DNM3: variants seen among roughly 807,000 people sequenced by gnomAD.
The protein encoded by DNM3 is dynamin 3, also known as dynamin-3.
Under a neutral mutation model 101.6 loss-of-function variants are expected in DNM3, and 47 were observed. The observed-to-expected ratio is 0.46, with a 90% CI of 0.37 to 0.59. The LOEUF is 0.59. DNM3 is among the 20% of genes least tolerant of loss of function. The pLI is 0.00. For synonymous variants in DNM3, 385 were observed against 387.9 expected (o/e 0.99, Z 0.09); for missense variants, 849 against 1,085.7 (o/e 0.78, Z 3.06).
In DNM3 at chr1:172,388,643, G is replaced by A. The variant is rs745910684; in HGVS notation, c.2356G>A (p.Gly786Ser). ...LSAPLARPTS[G>S]RGPAPAIPSP... ...TGCTCCCCTCGCAAGGCCCACATCC[G>A]GCCGAGGACCAGCTCCTGCCATTCC... The change falls in exon 20 of 21, where the codon GGC (glycine) becomes AGC (serine). Residue 786 changes from glycine (G) to serine (S), a missense_variant. Around this residue, in one of 5 missense-constraint regions of DNM3, gnomAD observed 256 missense variants for 311.7 expected, o/e 0.82. Coordinates refer to ENST00000627582, the MANE Select transcript of DNM3 (RefSeq NM_015569.5). 91 of 1,613,818 alleles carry A rather than the reference G, an allele frequency of 5.6e-5. 1 individual carries two copies. The highest frequency in any genetic ancestry group is 7.2e-5 in the Non-Finnish European group (85 of 1,179,890).
At chr1:171,871,614 C>G (rs1335623252) in intron 1 of DNM3, among the ~76,000 whole-genome samples, 5 of 152,126 alleles carry the variant, frequency 3.3e-5, no homozygotes, top group South Asian at 2.1e-4. Flanking sequence ...TCACCTTCCC[C>G]CTAGTAACTA....
chr1:172,108,727 C>A (rs913780845), intron 13 of DNM3, among the ~76,000 whole-genome samples: 1 of 152,182 alleles, frequency 6.6e-6, no homozygotes, highest in African/African-American at 2.4e-5. Flanking sequence ...GAAATGAGTG[C>A]CCTGGTTTTA....
At chr1:172,369,410 T>C (rs1403050906) in intron 17 of DNM3, among the ~76,000 whole-genome samples, 5 of 151,904 alleles carry the variant, frequency 3.3e-5, no homozygotes, top group Admixed American at 2.6e-4. Context: ...TAAAAATTTT[T>C]ACAAAATTCA....
At chr1:172,039,435 TA>T (rs2049205558) in intron 7 of DNM3, among the ~76,000 whole-genome samples, 1 of 152,032 alleles carries the variant, frequency 6.6e-6, no homozygotes, top group African/African-American at 2.4e-5. Context: ...ATTTCCTCAT[TA>T]AAAATATTAT....
chr1:172,262,945 G>A (rs1368967259), intron 15 of DNM3, among the ~76,000 whole-genome samples: 2 of 152,162 alleles, frequency 1.3e-5, no homozygotes, highest in Non-Finnish European at 2.9e-5. Context: ...ATGCCATCCA[G>A]TGGCAAAAGT....
At chr1:171,874,948 A>G (rs2035624459) in intron 1 of DNM3, among the ~76,000 whole-genome samples, 1 of 151,746 alleles carries the variant, frequency 6.6e-6, no homozygotes, top group Non-Finnish European at 1.5e-5. Flanking sequence ...GTGTTAATTC[A>G]CTTAGGATAA....
downstream of DNM3, chr1:172,415,265 T>C (rs1360796929): frequency 1.3e-5 from 2 of 152,234 alleles, no homozygotes; most frequent in African/African-American, 2.4e-5. Context: ...ATGAGACTTA[T>C]GAAGGATTCA....
At position 172,032,526 on chromosome 1, in the gene DNM3, C is replaced by CTT. The variant is rs750270768; in HGVS notation, c.688+54_688+55dup. On this transcript the variant is annotated intron_variant, in intron 5 of 20. Coordinates refer to ENST00000627582, the MANE Select transcript of DNM3 (RefSeq NM_015569.5). ...GTAATGTACTGTGGTCTATACAAGACTTTTTTTTTTTTTTTTTTTTTTTTT... is the reference window on the plus strand; with the variant it reads ...GTAATGTACTGTGGTCTATACAAGACTTTTTTTTTTTTTTTTTTTTTTTTTTT... 9.5e-4 allele frequency: 341 copies of CTT among 360,576 alleles called. 4 individuals are homozygous for CTT. The highest frequency in any genetic ancestry group is 3.1e-3 in the Middle Eastern group (3 of 962). The allele number at this position is 360,576 out of a possible 1,614,324, so 22.3% of individuals were successfully genotyped here.
intron 14 of DNM3, among the ~76,000 whole-genome samples, chr1:172,211,919 CA>C (rs1175793133): frequency 6.6e-6 from 1 of 152,048 alleles, no homozygotes; most frequent in Non-Finnish European, 1.5e-5. Flanking sequence ...ATGAGAATGA[CA>C]TTTATGAGGA....
intron 14 of DNM3, among the ~76,000 whole-genome samples, chr1:172,200,756 A>T (rs966450802): frequency 6.6e-6 from 1 of 152,010 alleles, no homozygotes; most frequent in African/African-American, 2.4e-5. Flanking sequence ...GACTCATTAG[A>T]TTCTTTTTAT....
intron 4 of DNM3, among the ~76,000 whole-genome samples, chr1:172,020,794 T>C (rs2047799608): frequency 6.6e-6 from 1 of 150,634 alleles, no homozygotes; most frequent in African/African-American, 2.4e-5. Context: ...CTCCTTTCCC[T>C]ACCAGAAGCA....
At chr1:171,869,837 C>T (rs1253670910) in intron 1 of DNM3, among the ~76,000 whole-genome samples, 1 of 152,168 alleles carries the variant, frequency 6.6e-6, no homozygotes, top group African/African-American at 2.4e-5. Flanking sequence ...TAACCTTCAT[C>T]TAGTTAAAAG....
At chr1:172,097,788 C>T (rs1458252843) in intron 13 of DNM3, among the ~76,000 whole-genome samples, 1 of 152,090 alleles carries the variant, frequency 6.6e-6, no homozygotes. Flanking sequence ...TAAATGTTGG[C>T]TGGTCTGAGA....
At chr1:172,000,375 T>C (rs2046286516) in intron 4 of DNM3, among the ~76,000 whole-genome samples, 1 of 152,054 alleles carries the variant, frequency 6.6e-6, no homozygotes, top group African/African-American at 2.4e-5. Flanking sequence ...ACAGCTAGAT[T>C]GCTCCCAACC....
chr1:172,001,515 C>T (rs978014888), intron 4 of DNM3, among the ~76,000 whole-genome samples: 8 of 151,994 alleles, frequency 5.3e-5, no homozygotes, highest in Non-Finnish European at 8.8e-5. Flanking sequence ...TAGCATTACC[C>T]ATCCAGTTTG....
intron 2 of DNM3, among the ~76,000 whole-genome samples, chr1:171,926,761 T>C (rs1009852211): frequency 1.3e-5 from 2 of 152,136 alleles, no homozygotes; most frequent in Admixed American, 6.6e-5. Flanking sequence ...GTAAGATTGG[T>C]TTAACATCTG....
intron 17 of DNM3, among the ~76,000 whole-genome samples, chr1:172,366,036 C>A (rs1183407181): frequency 2.0e-5 from 3 of 151,818 alleles, no homozygotes; most frequent in Non-Finnish European, 4.4e-5. Flanking sequence ...TTGAGACCAG[C>A]CTGGGCAACA....
intron 10 of DNM3, among the ~76,000 whole-genome samples, chr1:172,049,615 A>T (rs1261979931): frequency 2.6e-5 from 4 of 152,104 alleles, no homozygotes; most frequent in Non-Finnish European, 5.9e-5. Flanking sequence ...ACAAAAAGAG[A>T]ATTAGTGATG....
chr1:172,267,000 A>T (rs558378978), intron 15 of DNM3, among the ~76,000 whole-genome samples: 1 of 152,316 alleles, frequency 6.6e-6, no homozygotes, highest in South Asian at 2.1e-4. Context: ...AACACAAGTG[A>T]ACTGGTGGCA....
Sources: gnomAD v4.1 joint callset for allele counts (sites outside exome capture counted in the v4.1 genomes callset) on GRCh38, gnomAD v4.1.1 for gene constraint, gnomAD v4.1.1 regional missense constraint, MANE v1.5 for transcripts, NCBI Gene and HGNC (gene_info 2026-07-23, HGNC 2026-07-21) for gene names.